Variants in USP37 observed in about 807,000 individuals in gnomAD.
USP37 encodes ubiquitin specific peptidase 37, also known as ubiquitin carboxyl-terminal hydrolase 37.
USP37 carries 27 observed loss-of-function variants against 124.0 expected under a neutral mutation model. That is an observed-to-expected ratio of 0.22 (90% CI 0.16 to 0.30). The LOEUF (loss-of-function observed/expected upper bound fraction) is 0.30. Among genes scored for constraint, USP37 ranks in the 10% least tolerant of loss-of-function variants. USP37 has a pLI of 1.00. For synonymous variants in USP37, 365 were observed against 388.0 expected, an observed-to-expected ratio of 0.94 and a Z score of 0.70; for missense variants, 889 against 1,140.4, an observed-to-expected ratio of 0.78 and a Z score of 3.17.
chr2:218,549,941 T>A (rs762682877), intron 5 of USP37, 32 bp from the exon 6 acceptor site: 16 of 1,507,510 alleles, frequency 1.1e-5, no homozygotes, highest in Non-Finnish European at 1.4e-5. Flanking sequence ...TTTTTTAAAA[T>A]CCCCAAATCA....
rs562303017 is a variant in USP37 at position 218,553,669 on chromosome 2, C to T, written c.212G>A (p.Arg71His). The T allele has an allele frequency of 5.0e-6, 8 of 1,613,884 alleles. No individual in the cohort carries two copies. The highest frequency in any genetic ancestry group is 2.2e-5 in the South Asian group (2 of 91,038). ...VLRPSGAKQS[R>H]LMLTLQDNSF... ...GTTATCTTGCAGAGTTAACATTAGG[C>T]GGCTTTGTTTCGCTCCACTGGGTCG... The change falls in exon 5 of 26, where the codon CGC becomes CAC. Residue 71 changes from arginine (R) to histidine (H), a missense_variant. By Grantham distance (29) the Arg-to-His change is conservative. Around this residue, in one of 3 missense-constraint regions of USP37, gnomAD observed 374 missense variants for 386.0 expected, o/e 0.97. Transcript: ENST00000258399.
intron 1 of USP37, among the ~76,000 whole-genome samples, chr2:218,567,582 A>C (rs2106070511): frequency 6.6e-6 from 1 of 152,298 alleles, no homozygotes; most frequent in African/African-American, 2.4e-5. Context: ...CAATAAAGGA[A>C]TTTATACAGA....
chr2:218,485,922 C>T (rs189850159), intron 15 of USP37, among the ~76,000 whole-genome samples, 179 bp from the exon 16 acceptor site: 2 of 152,242 alleles, frequency 1.3e-5, no homozygotes, highest in East Asian at 3.9e-4. Flanking sequence ...TCAAAATATA[C>T]CTATAATATC....
intron 9 of USP37, among the ~76,000 whole-genome samples, chr2:218,532,445 C>A (rs1193897405): frequency 7.4e-6 from 1 of 136,002 alleles, no homozygotes. Context: ...CCAGCCTGGG[C>A]GACAGAGCAA....
intron 5 of USP37, among the ~76,000 whole-genome samples, chr2:218,552,512 C>T (rs767842520): frequency 6.6e-5 from 10 of 151,338 alleles, no homozygotes; most frequent in Admixed American, 3.3e-4. Context: ...CCCAGGAGTT[C>T]GATAACAGCC....
intron 10 of USP37, among the ~76,000 whole-genome samples, chr2:218,513,116 T>A (rs1040578324): frequency 8.5e-5 from 13 of 152,096 alleles, no homozygotes; most frequent in African/African-American, 1.4e-4. Flanking sequence ...ATATATATAT[T>A]AACTCCTGGG....
chr2:218,535,962 G>A (rs1236808258), intron 8 of USP37, among the ~76,000 whole-genome samples: 1 of 134,386 alleles, frequency 7.4e-6, no homozygotes. Flanking sequence ...GTTGCAGTGA[G>A]CCAGGGATCA....
intron 14 of USP37, among the ~76,000 whole-genome samples, chr2:218,493,677 G>A (rs1252343638): frequency 6.6e-6 from 1 of 152,046 alleles, no homozygotes; most frequent in African/African-American, 2.4e-5. Context: ...CACCATGTTG[G>A]CCAGGCTGGT....
intron 1 of USP37, among the ~76,000 whole-genome samples, chr2:218,566,244 C>A (rs151271183): frequency 6.6e-6 from 1 of 152,082 alleles, no homozygotes; most frequent in Non-Finnish European, 1.5e-5. Context: ...TCCAGGCAAA[C>A]AGCATCCCCA....
chr2:218,540,223 T>C (rs1340096744), intron 8 of USP37, among the ~76,000 whole-genome samples: 1 of 152,094 alleles, frequency 6.6e-6, no homozygotes, highest in African/African-American at 2.4e-5. Flanking sequence ...AAGTGACTAA[T>C]GGGCGGGTAG....
rs1689585148 is a variant in USP37, at chr2:218,454,312, C to T, written c.*618G>A. Reference sequence around the variant, plus strand: ...AGACAACAACAACAACAAAACAGCTCCTCAAGTCAGGTGACAGTAATGCCC... The same window carrying T: ...AGACAACAACAACAACAAAACAGCTTCTCAAGTCAGGTGACAGTAATGCCC... On this transcript the variant is annotated 3_prime_UTR_variant, in exon 26 of 26. Transcript: ENST00000258399. 1 of 151,308 alleles carries T rather than the reference C, an allele frequency of 6.6e-6. No individual in the cohort carries two copies. The highest frequency in any genetic ancestry group is 6.6e-5 in the Admixed American group (1 of 15,208). The allele number at this position is 151,308 out of a possible 1,614,324, so 9.4% of individuals were successfully genotyped here.
At position 218,485,721 on chromosome 2, in the gene USP37, C is replaced by A; in HGVS notation, c.1613G>T (p.Cys538Phe). The change falls in exon 16 of 26, where the codon TGT becomes TTT. Residue 538 changes from cysteine to phenylalanine, a missense_variant. By Grantham distance (205) the Cys-to-Phe change is radical. This residue lies in a region of USP37 where 504 missense variants were observed against 714.3 expected (regional missense o/e 0.71). Transcript: ENST00000258399. ...FFRAEELEYSCEKCGGKCALV... is the reference protein window; with the variant it reads ...FFRAEELEYSFEKCGGKCALV... ...AGCACACTTCCCACCACACTTCTCACAAGAATACTCCAGTTCTTCGGCCTA... is the reference window on the plus strand; with the variant it reads ...AGCACACTTCCCACCACACTTCTCAAAAGAATACTCCAGTTCTTCGGCCTA... 1 of 1,608,078 alleles carries A rather than the reference C, an allele frequency of 6.2e-7. No homozygotes were observed. Among genetic ancestry groups the A allele is most frequent in the Non-Finnish European group, 8.5e-7 (1 of 1,178,508 alleles).
chr2:218,525,691 T>A (rs1419373917), intron 10 of USP37, among the ~76,000 whole-genome samples: 1 of 152,174 alleles, frequency 6.6e-6, no homozygotes, highest in Admixed American at 6.6e-5. Flanking sequence ...CAATATAAAT[T>A]TTTTTCTAAG....
intron 14 of USP37, among the ~76,000 whole-genome samples, chr2:218,495,165 A>G (rs1000900683): frequency 2.6e-5 from 4 of 152,176 alleles, no homozygotes; most frequent in Non-Finnish European, 4.4e-5. Context: ...TTTTTGAGAT[A>G]GGGTCTTGCT....
At chr2:218,556,474 A>G (rs1692979248) in intron 4 of USP37, among the ~76,000 whole-genome samples, 1 of 150,274 alleles carries the variant, frequency 6.7e-6, no homozygotes, top group Non-Finnish European at 1.5e-5. Flanking sequence ...TTACAGCTAA[A>G]AATGTATTTG....
chr2:218,470,429 T>C (rs1469931314), intron 20 of USP37, among the ~76,000 whole-genome samples: 1 of 152,188 alleles, frequency 6.6e-6, no homozygotes. Context: ...TCTCAAGTAT[T>C]ACTGTTTTTT....
intron 23 of USP37, among the ~76,000 whole-genome samples, chr2:218,458,599 A>T (rs1436011827): frequency 6.6e-6 from 1 of 152,112 alleles, no homozygotes; most frequent in Admixed American, 6.6e-5. Context: ...ATAAAATAAA[A>T]TAAAATAAGG....
chr2:218,564,890 C>G (rs1693503016), intron 1 of USP37, among the ~76,000 whole-genome samples: 1 of 152,118 alleles, frequency 6.6e-6, no homozygotes, highest in Non-Finnish European at 1.5e-5. Flanking sequence ...GAATCCTGTT[C>G]TACACATACA....
intron 11 of USP37, among the ~76,000 whole-genome samples, chr2:218,500,097 CAG>C (rs201254347): frequency 0.013 from 1,914 of 151,926 alleles, 38 homozygotes; most frequent in African/African-American, 0.044. Context: ...TTTTTTTAGA[CAG>C]AGTCTTGCTC....
Sources: allele counts gnomAD v4.1 joint callset (sites outside exome capture counted in the v4.1 genomes callset), GRCh38; gene constraint gnomAD v4.1.1; regional missense constraint gnomAD v4.1.1; transcripts MANE v1.5; gene names NCBI Gene and HGNC (gene_info 2026-07-23, HGNC 2026-07-21).